The following TCF4 variants were observed in gnomAD, a reference collection of about 807,000 sequenced individuals.
TCF4 encodes the protein SL3-3 enhancer factor 2.
In TCF4, 3 loss-of-function variants were observed where a neutral mutation model predicts 82.1. The ratio of observed to expected loss-of-function variants is 0.04; its 90% CI spans 0.02 to 0.09. TCF4 has a LOEUF of 0.09. Ranked by LOEUF, TCF4 falls within the 10% of genes least tolerant of loss-of-function variation. The probability of loss-of-function intolerance (pLI) is 1.00; values close to 1 mark genes in which losing one functional copy is unlikely to be tolerated. For missense variants in TCF4, 518 were observed against 852.7 expected (o/e 0.61, Z 4.89); for synonymous variants, 276 against 309.6 (o/e 0.89, Z 1.14).
chr18:55,270,452 A>T (rs2060110925), intron 10 of TCF4, among the ~76,000 whole-genome samples: 1 of 152,110 alleles, frequency 6.6e-6, no homozygotes, highest in African/African-American at 2.4e-5. Context: ...TCCCAAATTA[A>T]ATTTTTTTGA....
At position 55,225,347 on chromosome 18, in the gene TCF4, T is replaced by C. The variant is rs188623567; in HGVS notation, c.*2688A>G. The C allele has an allele frequency of 2.5e-3, 380 of 152,770 alleles. 10 individuals carry two copies. The highest frequency in any genetic ancestry group is 9.1e-3 in the South Asian group (44 of 4,832). 9.5% of individuals were successfully genotyped at this position (152,770 alleles called of 1,614,324 possible). On this transcript the variant is annotated 3_prime_UTR_variant, in exon 20 of 20. Transcript: ENST00000354452. ...AATCAAATGACTACAATTTACTTTT[T>C]TGCTTTGTTTACAGATTTGAAAAAC...
intron 6 of TCF4, among the ~76,000 whole-genome samples, chr18:55,356,897 A>G (rs1290119768): frequency 6.6e-6 from 1 of 152,182 alleles, no homozygotes; most frequent in Non-Finnish European, 1.5e-5. Context: ...TTTAGTAGTG[A>G]TTGTATTTCA....
At chr18:55,382,560 C>T (rs2092083935) in intron 6 of TCF4, among the ~76,000 whole-genome samples, 1 of 151,966 alleles carries the variant, frequency 6.6e-6, no homozygotes, top group Non-Finnish European at 1.5e-5. Flanking sequence ...AGAATGTTAC[C>T]CAAAACCATC....
chr18:55,374,847 T>C (rs1163867142), intron 6 of TCF4, among the ~76,000 whole-genome samples: 1 of 147,266 alleles, frequency 6.8e-6, no homozygotes, highest in Non-Finnish European at 1.5e-5. Flanking sequence ...CATTCCAGTT[T>C]TGAGGATAGA....
chr18:55,311,159 A>G (rs1284706279), intron 8 of TCF4, among the ~76,000 whole-genome samples: 1 of 152,218 alleles, frequency 6.6e-6, no homozygotes, highest in Non-Finnish European at 1.5e-5. Context: ...AGAAAAAAGG[A>G]AAGAAAAGAA....
At chr18:55,374,232 T>C (rs1253223137) in intron 6 of TCF4, among the ~76,000 whole-genome samples, 1 of 151,062 alleles carries the variant, frequency 6.6e-6, no homozygotes, top group Admixed American at 6.6e-5. Flanking sequence ...ACATACAATA[T>C]AAAAAGCTAG....
intron 8 of TCF4, among the ~76,000 whole-genome samples, chr18:55,315,182 C>A (rs1291185900): frequency 2.6e-5 from 4 of 152,124 alleles, no homozygotes; most frequent in African/African-American, 9.7e-5. Context: ...CTACACTGTT[C>A]CCACCTCTGA....
chr18:55,508,193 A>G (rs1455148869), intron 3 of TCF4, among the ~76,000 whole-genome samples: 1 of 152,120 alleles, frequency 6.6e-6, no homozygotes, highest in African/African-American at 2.4e-5. Flanking sequence ...TTATTATTTG[A>G]TATGTGCAAC....
intron 3 of TCF4, among the ~76,000 whole-genome samples, chr18:55,570,645 G>A (rs1163202001): frequency 6.6e-6 from 1 of 152,090 alleles, no homozygotes; most frequent in African/African-American, 2.4e-5. Flanking sequence ...ACTTTGGGAA[G>A]CCAAGGAAGG....
At chr18:55,567,836 G>T (rs897905406) in intron 3 of TCF4, among the ~76,000 whole-genome samples, 5 of 152,116 alleles carry the variant, frequency 3.3e-5, no homozygotes, top group African/African-American at 9.6e-5. Context: ...CACAAAATTG[G>T]CAACAAAGCA....
chr18:55,348,247 G>C (rs927104794), intron 8 of TCF4, among the ~76,000 whole-genome samples: 3 of 152,024 alleles, frequency 2.0e-5, no homozygotes, highest in Admixed American at 6.6e-5. Context: ...ATGAGTAAAT[G>C]GATGATTAAA....
intron 3 of TCF4, among the ~76,000 whole-genome samples, chr18:55,512,044 T>C (rs767075579): frequency 1.3e-5 from 2 of 152,116 alleles, no homozygotes; most frequent in Non-Finnish European, 2.9e-5. Flanking sequence ...ATCCAGAAAA[T>C]GCCAATTTCT....
rs143002882 is a variant in TCF4, at chr18:55,594,226, C to G, written c.287-7090G>C. ...CCTTCTGGTCTCAGCTTAAACATCA[C>G]CTCCTCCTACAGACCTTCCTAACTA... On this transcript the variant is annotated intron_variant, in intron 2 of 20. Coordinates refer to the TCF4 transcript ENST00000398339. 4.1e-3 allele frequency among the ~76,000 whole-genome samples: 621 copies of G among 152,324 alleles called. 4 individuals carry two copies. The highest frequency in any genetic ancestry group is 0.018 in the South Asian group (85 of 4,824).
intron 8 of TCF4, among the ~76,000 whole-genome samples, chr18:55,296,151 G>A (rs572742096): frequency 6.6e-6 from 1 of 151,430 alleles, no homozygotes; most frequent in Non-Finnish European, 1.5e-5. Context: ...TCCTGAAATA[G>A]GAAAGATGAA....
In TCF4 at chr18:55,505,729, G is replaced by A. The variant is rs796297726; in HGVS notation, c.146-41592C>T. ...TGAGGCAGGAGAATGGCGTGAACCC[G>A]GGAGGCGGAGCTTGCAGTGAGCCGA... is the stretch of plus-strand genomic sequence containing the variant. On this transcript the variant is annotated intron_variant, in intron 3 of 19. Coordinates refer to ENST00000354452, the MANE Select transcript of TCF4 (RefSeq NM_001083962.2). Among the ~76,000 whole-genome samples the A allele has an allele frequency of 7.5e-3, 1,124 of 149,580 alleles. 24 individuals are homozygous for A. The highest frequency in any genetic ancestry group is 0.026 in the African/African-American group (1,064 of 40,778).
intron 3 of TCF4, among the ~76,000 whole-genome samples, chr18:55,469,904 T>G (rs1378693252): frequency 6.6e-6 from 1 of 152,190 alleles, no homozygotes; most frequent in Non-Finnish European, 1.5e-5. Flanking sequence ...GATAACAGTT[T>G]TTTGAAAAAT....
chr18:55,592,308 C>G (rs940549160), upstream of TCF4, among the ~76,000 whole-genome samples: 2 of 152,164 alleles, frequency 1.3e-5, no homozygotes, highest in Non-Finnish European at 2.9e-5. Flanking sequence ...GTTTTTCACA[C>G]CCCTGGAGGC....
intron 6 of TCF4, among the ~76,000 whole-genome samples, chr18:55,391,814 T>G (rs1272981566): frequency 1.3e-5 from 2 of 150,800 alleles, no homozygotes; most frequent in East Asian, 4.0e-4. Flanking sequence ...GGCACACGCC[T>G]GTAATCCCAA....
intron 3 of TCF4, among the ~76,000 whole-genome samples, chr18:55,490,011 A>C (rs933250468): frequency 9.8e-5 from 15 of 152,334 alleles, no homozygotes; most frequent in African/African-American, 3.4e-4. Flanking sequence ...ATACTTTTTT[A>C]ATGACACATG....
Sources: gnomAD v4.1 joint callset for allele counts (sites outside exome capture counted in the v4.1 genomes callset) on GRCh38, gnomAD v4.1.1 for gene constraint, MANE v1.5 for transcripts, NCBI Gene and HGNC (gene_info 2026-07-23, HGNC 2026-07-21) for gene names.